The following PLEKHG7 variants were observed in gnomAD, a reference collection of about 807,000 sequenced individuals.
PLEKHG7 encodes the protein pleckstrin homology and RhoGEF domain containing G7.
In PLEKHG7, 77 loss-of-function variants were observed where a neutral mutation model predicts 85.2. That is an observed-to-expected ratio of 0.90 (90% CI 0.75 to 1.09). The LOEUF is 1.09. PLEKHG7 is among the 50% of genes least tolerant of loss of function. PLEKHG7 has a pLI of 0.00. For synonymous variants in PLEKHG7, 301 were observed against 302.4 expected, an observed-to-expected ratio of 1.00 and a Z score of 0.05; for missense variants, 777 against 804.3, an observed-to-expected ratio of 0.97 and a Z score of 0.41.
At chr12:92,755,354 A>G (rs1022101300) in intron 11 of PLEKHG7, among the ~76,000 whole-genome samples, 7 of 152,250 alleles carry the variant, frequency 4.6e-5, no homozygotes, top group African/African-American at 1.7e-4. Flanking sequence ...ATTAGAAAAC[A>G]TTGGAAAATG....
In PLEKHG7 at chr12:92,714,222, G is replaced by A. The variant is rs1160793564; in HGVS notation, c.530+6550G>A. ...AGGGAGGCCATCACTATTGCCTCAGGCAGTGCAGGGTTTATCTCCCCAGAC... is the reference window on the plus strand; with the variant it reads ...AGGGAGGCCATCACTATTGCCTCAGACAGTGCAGGGTTTATCTCCCCAGAC... On this transcript the variant is annotated intron_variant, in intron 3 of 16. Transcript: ENST00000344636. 2.6e-5 allele frequency among the ~76,000 whole-genome samples: 4 copies of A among 152,158 alleles called. No homozygotes were observed. The East Asian group carries it at 7.7e-4, about 29-fold the overall frequency.
At chr12:92,707,764 G>T (rs140865046) in intron 3 of PLEKHG7, 92 bp downstream of exon 3, 13 of 1,594,654 alleles carry the variant, frequency 8.2e-6, no homozygotes, top group African/African-American at 8.0e-5. Context: ...CAAAGCTGAC[G>T]GTGTGTTAAC....
At chr12:92,716,023 A>G (rs527794593) in intron 3 of PLEKHG7, among the ~76,000 whole-genome samples, 6 of 152,206 alleles carry the variant, frequency 3.9e-5, no homozygotes, top group Non-Finnish European at 7.3e-5. Context: ...GTCTTGCAGA[A>G]TAGATATGAA....
chr12:92,757,939 C>T (rs764867956), intron 13 of PLEKHG7, among the ~76,000 whole-genome samples: 15 of 152,160 alleles, frequency 9.9e-5, no homozygotes, highest in East Asian at 1.9e-4. Context: ...GTGGTGAAAC[C>T]GGAAGTTCAG....
intron 15 of PLEKHG7, among the ~76,000 whole-genome samples, chr12:92,766,540 T>C (rs1280389447): frequency 1.3e-5 from 2 of 152,144 alleles, no homozygotes; most frequent in African/African-American, 2.4e-5. Context: ...TTAAAAGATC[T>C]TTTTAAAAAC....
intron 3 of PLEKHG7, among the ~76,000 whole-genome samples, chr12:92,712,583 G>A (rs768021041): frequency 3.3e-5 from 5 of 152,166 alleles, no homozygotes; most frequent in South Asian, 2.1e-4. Flanking sequence ...CCACCCCTGC[G>A]TCTTTCGAGT....
Position 92,721,934 on chromosome 12 carries a change from C to A in PLEKHG7, c.531-7059C>A, listed in dbSNP as rs543687939. On this transcript the variant is annotated intron_variant, in intron 3 of 16. Transcript: ENST00000344636. ...TCTTCCCTGTCCTCTTCACACTGGG[C>A]ACCCCTACCCCACACAGACACCACT... 6.6e-5 allele frequency among the ~76,000 whole-genome samples: 10 copies of A among 152,106 alleles called. No individual in the cohort carries two copies. The South Asian group carries it at 1.0e-3, about 16-fold the overall frequency.
At chr12:92,742,712 A>G (rs1431559043) in intron 9 of PLEKHG7, among the ~76,000 whole-genome samples, 1 of 151,772 alleles carries the variant, frequency 6.6e-6, no homozygotes, top group African/African-American at 2.4e-5. Flanking sequence ...CAGCCTCCCA[A>G]GTAGCTGGGA....
At chr12:92,728,433 C>T (rs1373845977) in intron 3 of PLEKHG7, among the ~76,000 whole-genome samples, 2 of 140,636 alleles carry the variant, frequency 1.4e-5, no homozygotes, top group African/African-American at 3.0e-5. Flanking sequence ...AATATATATA[C>T]ACACCACATT....
chr12:92,706,411 T>A, intron 1 of PLEKHG7, 60 bp from the exon 2 acceptor site: 1 of 505,350 alleles, frequency 2.0e-6, no homozygotes, highest in Non-Finnish European at 3.3e-6. Context: ...TAGACCTTTT[T>A]TCTCACTGCA....
intron 14 of PLEKHG7, 94 bp from the exon 15 acceptor site, chr12:92,763,947 G>T (rs1302545847): frequency 4.6e-6 from 5 of 1,085,528 alleles, no homozygotes; most frequent in Admixed American, 3.0e-5. Context: ...TTAGGCAATT[G>T]TTTCTCAGAA....
chr12:92,737,754 A>AGGGAGGGAGGGAAGGAGGGAGGGAGGAT (rs1352297979), intron 7 of PLEKHG7, among the ~76,000 whole-genome samples: 1 of 134,072 alleles, frequency 7.5e-6, no homozygotes, highest in Non-Finnish European at 1.5e-5. Flanking sequence ...GGAGGGAGGA[A>AGGGAGGGAGGGAAGGAGGGAGGGAGGAT]GGAAGGAAGG....
intron 3 of PLEKHG7, among the ~76,000 whole-genome samples, chr12:92,714,957 G>A (rs1372792550): frequency 6.6e-6 from 1 of 151,966 alleles, no homozygotes; most frequent in Middle Eastern, 3.2e-3. Context: ...TGTTCCTCTA[G>A]AACCACTCCT....
At chr12:92,740,651 C>G (rs966652380) in intron 7 of PLEKHG7, among the ~76,000 whole-genome samples, 1 of 152,142 alleles carries the variant, frequency 6.6e-6, no homozygotes, top group African/African-American at 2.4e-5. Flanking sequence ...AACTTTCATA[C>G]TGAAAAGCTC....
intron 10 of PLEKHG7, among the ~76,000 whole-genome samples, chr12:92,749,063 C>T (rs1872614259): frequency 1.3e-5 from 2 of 152,104 alleles, no homozygotes; most frequent in Non-Finnish European, 2.9e-5. Context: ...CCTGTCTGAA[C>T]CCAATGTTGA....
chr12:92,761,711 C>T lies in PLEKHG7; in HGVS notation c.1637-41C>T. 5 of 1,516,696 alleles carry T rather than the reference C, an allele frequency of 3.3e-6. No homozygotes were observed. The African/African-American group carries it at 4.4e-5, about 13-fold the overall frequency. The allele number at this position is 1,516,696 out of a possible 1,614,324, so 94.0% of individuals were successfully genotyped here. On this transcript the variant is annotated intron_variant, in intron 13 of 16. Coordinates refer to ENST00000344636, the MANE Select transcript of PLEKHG7 (RefSeq NM_001377329.1). ...GGGAAAGAAAAACTCTTCTACTTAA[C>T]AGTTTCAGGTCCCCATTTCAGCTTC... is the stretch of plus-strand genomic sequence containing the variant.
At chr12:92,745,215 G>A (rs1166855337) in intron 9 of PLEKHG7, among the ~76,000 whole-genome samples, 1 of 152,162 alleles carries the variant, frequency 6.6e-6, no homozygotes. Flanking sequence ...AGCCTAAATA[G>A]AATTTTCTTT....
chr12:92,734,648 C>T (rs146552860), intron 5 of PLEKHG7, among the ~76,000 whole-genome samples: 1 of 152,264 alleles, frequency 6.6e-6, no homozygotes, highest in African/African-American at 2.4e-5. Context: ...GTAGGAGTCC[C>T]CATCACCAGA....
chr12:92,725,680 T>C (rs1871772939), intron 3 of PLEKHG7, among the ~76,000 whole-genome samples: 1 of 152,210 alleles, frequency 6.6e-6, no homozygotes, highest in African/African-American at 2.4e-5. Context: ...GCATCCTTGC[T>C]TCATATATTT....
Sources: allele counts gnomAD v4.1 joint callset (sites outside exome capture counted in the v4.1 genomes callset), GRCh38; gene constraint gnomAD v4.1.1; transcripts MANE v1.5; gene names NCBI Gene and HGNC (gene_info 2026-07-23, HGNC 2026-07-21).